Variants in PDSS2 observed in about 807,000 individuals in gnomAD.
PDSS2 encodes all trans-polyprenyl-diphosphate synthase PDSS2.
In PDSS2, 31 loss-of-function variants were observed where a neutral mutation model predicts 44.5. The observed-to-expected ratio is 0.70, with a 90% CI of 0.52 to 0.94. The LOEUF (loss-of-function observed/expected upper bound fraction) is 0.94. Among genes scored for constraint, PDSS2 ranks in the 40% least tolerant of loss-of-function variants. The probability of loss-of-function intolerance (pLI) is 0.00; values close to 1 mark genes in which losing one functional copy is unlikely to be tolerated. For synonymous variants in PDSS2, 157 were observed against 180.3 expected (o/e 0.87, Z 1.03); for missense variants, 452 against 482.2 (o/e 0.94, Z 0.59).
At chr6:107,160,114 G>T (rs1771068923) in intron 7 of PDSS2, among the ~76,000 whole-genome samples, 1 of 152,180 alleles carries the variant, frequency 6.6e-6, no homozygotes, top group East Asian at 1.9e-4. Flanking sequence ...TACTTGGGAG[G>T]CTGAGGCAGG....
intron 2 of PDSS2, among the ~76,000 whole-genome samples, chr6:107,316,051 TA>T: frequency 6.6e-6 from 1 of 152,286 alleles, no homozygotes; most frequent in East Asian, 1.9e-4. Flanking sequence ...GTTAAAAAAA[TA>T]AAAAGTATGT....
chr6:107,169,082 G>A (rs1216858383), intron 7 of PDSS2, among the ~76,000 whole-genome samples: 2 of 151,946 alleles, frequency 1.3e-5, no homozygotes, highest in Non-Finnish European at 2.9e-5. Flanking sequence ...TTTCCAACTT[G>A]GTTCCATTTT....
At chr6:107,186,786 ATCTCATGCCTTTTT>A (rs1772185677) in intron 7 of PDSS2, among the ~76,000 whole-genome samples, 1 of 152,302 alleles carries the variant, frequency 6.6e-6, no homozygotes, top group East Asian at 1.9e-4. Context: ...AAAGGACATG[ATCTCATGCCTTTTT>A]ATGGCTGCAC....
Position 107,380,019 on chromosome 6 carries a change from A to G in PDSS2, c.297-45687T>C, listed in dbSNP as rs1221335104. 2.6e-5 allele frequency among the ~76,000 whole-genome samples: 4 copies of G among 151,434 alleles called. No homozygotes were observed. The East Asian group carries it at 7.7e-4, about 29-fold the overall frequency. ...AAATATTTTTTCTTCTGTACTAGTGATTTTGTGTTTTACTGTAAATAGACC... is the reference window on the plus strand; with the variant it reads ...AAATATTTTTTCTTCTGTACTAGTGGTTTTGTGTTTTACTGTAAATAGACC... On this transcript the variant is annotated intron_variant, in intron 1 of 7. Transcript: ENST00000369037.
intron 7 of PDSS2, among the ~76,000 whole-genome samples, chr6:107,193,379 A>G (rs925271367): frequency 6.6e-6 from 1 of 152,198 alleles, no homozygotes; most frequent in Non-Finnish European, 1.5e-5. Flanking sequence ...TCTATCCTGT[A>G]AGGTGCTTTC....
chr6:107,420,474 A>C (rs1374092795), intron 1 of PDSS2, among the ~76,000 whole-genome samples: 1 of 152,256 alleles, frequency 6.6e-6, no homozygotes, highest in Non-Finnish European at 1.5e-5. Flanking sequence ...TATTGGCAGA[A>C]GAAAAGACAA....
intron 6 of PDSS2, among the ~76,000 whole-genome samples, chr6:107,196,570 G>A (rs961444960): frequency 6.6e-6 from 1 of 152,192 alleles, no homozygotes; most frequent in Middle Eastern, 3.2e-3. Flanking sequence ...CTCAAGTGCA[G>A]CACTTTTCAA....
intron 2 of PDSS2, among the ~76,000 whole-genome samples, chr6:107,300,654 C>A (rs888839080): frequency 1.3e-5 from 2 of 152,182 alleles, no homozygotes; most frequent in Non-Finnish European, 2.9e-5. Context: ...GGGATATAAA[C>A]CTAGGCATTT....
chr6:107,277,925 A>T (rs1435339653), intron 2 of PDSS2, among the ~76,000 whole-genome samples: 10 of 152,080 alleles, frequency 6.6e-5, no homozygotes, highest in Non-Finnish European at 2.9e-5. Context: ...GCACCACTGC[A>T]CTCTAGCCTG....
chr6:107,223,273 T>C lies in PDSS2; in HGVS notation c.703-10991A>G, dbSNP rs956684578. On this transcript the variant is annotated intron_variant, in intron 4 of 7. Coordinates refer to ENST00000369037, the MANE Select transcript of PDSS2 (RefSeq NM_020381.4). ...GGCCAGGCATGGTGGCTCATGCCTA[T>C]AATCCTGGCACTTTGGGAGGCCGAG... is the stretch of plus-strand genomic sequence containing the variant. Among the ~76,000 whole-genome samples the C allele has an allele frequency of 4.2e-4, 64 of 151,160 alleles. 3 individuals carry two copies. Among genetic ancestry groups the C allele is most frequent in the African/African-American group, 1.4e-3 (57 of 40,638 alleles).
At chr6:107,292,265 T>G (rs1233266804) in intron 2 of PDSS2, among the ~76,000 whole-genome samples, 3 of 152,054 alleles carry the variant, frequency 2.0e-5, no homozygotes, top group South Asian at 2.1e-4. Context: ...TCTCCCATAT[T>G]CAGTGCTGTA....
chr6:107,352,524 A>G (rs1343568659), intron 1 of PDSS2, among the ~76,000 whole-genome samples: 1 of 152,208 alleles, frequency 6.6e-6, no homozygotes, highest in East Asian at 1.9e-4. Context: ...GAGGGCTTTC[A>G]CAATACATAG....
At chr6:107,360,124 A>C (rs1778723121) in intron 1 of PDSS2, among the ~76,000 whole-genome samples, 1 of 152,172 alleles carries the variant, frequency 6.6e-6, no homozygotes, top group Admixed American at 6.5e-5. Context: ...CTCAAATTTC[A>C]CACTTTCCAA....
chr6:107,455,871 C>A (rs1276473481), intron 1 of PDSS2, among the ~76,000 whole-genome samples: 2 of 150,514 alleles, frequency 1.3e-5, no homozygotes, highest in Admixed American at 6.6e-5. Flanking sequence ...CTGGTACATT[C>A]ACTTTAGAAA....
intron 7 of PDSS2, among the ~76,000 whole-genome samples, chr6:107,160,052 C>A (rs1554246449): frequency 6.6e-6 from 1 of 151,950 alleles, no homozygotes; most frequent in Non-Finnish European, 1.5e-5. Context: ...TCCATCTCTA[C>A]TAAAAATACA....
At chr6:107,347,131 T>G (rs78892969) in intron 1 of PDSS2, among the ~76,000 whole-genome samples, 2,554 of 152,152 alleles carry the variant, frequency 0.017, 72 homozygotes, top group African/African-American at 0.059. Flanking sequence ...CAAGGAGTGT[T>G]ACATGGAAAT....
At chr6:107,347,051 A>G (rs1778268153) in intron 1 of PDSS2, among the ~76,000 whole-genome samples, 1 of 152,098 alleles carries the variant, frequency 6.6e-6, no homozygotes, top group Non-Finnish European at 1.5e-5. Context: ...GTACAGTGAA[A>G]GTGCTGTCCA....
intron 1 of PDSS2, among the ~76,000 whole-genome samples, chr6:107,431,596 A>G (rs938649274): frequency 1.3e-5 from 2 of 152,150 alleles, no homozygotes; most frequent in Admixed American, 1.3e-4. Flanking sequence ...CTTCTACCTT[A>G]TATTTGTACA....
At chr6:107,285,178 TAA>T (rs1776099791) in intron 2 of PDSS2, among the ~76,000 whole-genome samples, 1 of 152,242 alleles carries the variant, frequency 6.6e-6, no homozygotes, top group Non-Finnish European at 1.5e-5. Flanking sequence ...GTCATCCATT[TAA>T]AGTCATTTTA....
Sources: gnomAD v4.1 joint callset for allele counts (sites outside exome capture counted in the v4.1 genomes callset) on GRCh38, gnomAD v4.1.1 for gene constraint, MANE v1.5 for transcripts, NCBI Gene and HGNC (gene_info 2026-07-23, HGNC 2026-07-21) for gene names.